The following KCNH8 variants were observed in gnomAD, a reference collection of about 807,000 sequenced individuals.
The protein encoded by KCNH8 is voltage-gated delayed rectifier potassium channel KCNH8.
KCNH8 carries 70 observed loss-of-function variants against 103.6 expected under a neutral mutation model. The observed-to-expected ratio is 0.68, with a 90% CI of 0.56 to 0.82. KCNH8 has a LOEUF of 0.82. KCNH8 is among the 40% of genes least tolerant of loss of function. KCNH8 has a pLI of 0.00. For missense variants in KCNH8, 1,217 were observed against 1,329.9 expected (o/e 0.92, Z 1.32); for synonymous variants, 498 against 489.4 (o/e 1.02, Z -0.23).
chr3:19,472,749 C>T (rs569560695), intron 11 of KCNH8, among the ~76,000 whole-genome samples: 36 of 152,264 alleles, frequency 2.4e-4, no homozygotes, highest in African/African-American at 2.6e-4. Context: ...TACATACCTA[C>T]GTTAATCAGA....
chr3:19,171,621 C>T (rs887642124), intron 1 of KCNH8, among the ~76,000 whole-genome samples: 10 of 152,106 alleles, frequency 6.6e-5, no homozygotes, highest in African/African-American at 2.4e-4. Flanking sequence ...CAGCTCTGCT[C>T]CTCTGATTAC....
chr3:19,213,211 A>G (rs1162053461), intron 1 of KCNH8, among the ~76,000 whole-genome samples: 1 of 152,180 alleles, frequency 6.6e-6, no homozygotes, highest in Non-Finnish European at 1.5e-5. Context: ...TAAATTAAAG[A>G]GGATATTTCC....
intron 15 of KCNH8, among the ~76,000 whole-genome samples, chr3:19,524,929 G>T (rs1474848732): frequency 6.6e-6 from 1 of 151,946 alleles, no homozygotes; most frequent in African/African-American, 2.4e-5. Context: ...AGGGGCCAGA[G>T]TAGAGAGCAG....
At chr3:19,472,725 T>C (rs2067888693) in intron 11 of KCNH8, among the ~76,000 whole-genome samples, 1 of 152,078 alleles carries the variant, frequency 6.6e-6, no homozygotes, top group African/African-American at 2.4e-5. Flanking sequence ...ATTAGATATA[T>C]AATATAAGTG....
At chr3:19,495,902 A>T (rs1349949775) in intron 11 of KCNH8, among the ~76,000 whole-genome samples, 1 of 152,106 alleles carries the variant, frequency 6.6e-6, no homozygotes, top group Non-Finnish European at 1.5e-5. Flanking sequence ...TTCTCATTGT[A>T]GAGATCTTTC....
At chr3:19,459,718 T>C (rs755517652) in intron 11 of KCNH8, among the ~76,000 whole-genome samples, 1 of 152,176 alleles carries the variant, frequency 6.6e-6, no homozygotes, top group Non-Finnish European at 1.5e-5. Flanking sequence ...CTTTTAGAGT[T>C]ACATAATTTC....
At chr3:19,265,394 T>TC (rs1321408699) in intron 2 of KCNH8, among the ~76,000 whole-genome samples, 1 of 152,104 alleles carries the variant, frequency 6.6e-6, no homozygotes, top group African/African-American at 2.4e-5. Flanking sequence ...CATGGGGCCC[T>TC]TCTAAGCATG....
At chr3:19,421,083 A>C (rs1364520774) in intron 7 of KCNH8, among the ~76,000 whole-genome samples, 2 of 152,154 alleles carry the variant, frequency 1.3e-5, no homozygotes, top group African/African-American at 4.8e-5. Context: ...CTTTTTAAAA[A>C]ATTGGTGAAA....
intron 5 of KCNH8, among the ~76,000 whole-genome samples, chr3:19,375,443 G>C (rs990818110): frequency 1.3e-4 from 20 of 151,062 alleles, no homozygotes; most frequent in African/African-American, 4.2e-4. Context: ...TCAAGCCTTG[G>C]TTTTCAGCTC....
At chr3:19,521,611 G>T (rs946933970) in intron 15 of KCNH8, among the ~76,000 whole-genome samples, 1 of 151,844 alleles carries the variant, frequency 6.6e-6, no homozygotes, top group African/African-American at 2.4e-5. Context: ...AAATGAAAAT[G>T]AATGGACCTA....
chr3:19,506,385 G>A (rs564527542), intron 11 of KCNH8, among the ~76,000 whole-genome samples: 2 of 152,274 alleles, frequency 1.3e-5, no homozygotes, highest in South Asian at 4.1e-4. Context: ...TTTATTTTTA[G>A]CTGAGCTCTT....
chr3:19,386,887 C>T (rs1209243000), intron 5 of KCNH8, among the ~76,000 whole-genome samples: 1 of 152,084 alleles, frequency 6.6e-6, no homozygotes, highest in Non-Finnish European at 1.5e-5. Flanking sequence ...TGCGAAGTTC[C>T]ACTCTGTTTC....
chr3:19,351,330 A>T (rs984219500), intron 5 of KCNH8, among the ~76,000 whole-genome samples: 7 of 152,160 alleles, frequency 4.6e-5, no homozygotes, highest in African/African-American at 1.4e-4. Context: ...TATCCAGGAG[A>T]ACTTTCCCAA....
chr3:19,204,716 T>A lies in KCNH8; in HGVS notation c.77-48938T>A, dbSNP rs566285866. 2.0e-5 allele frequency among the ~76,000 whole-genome samples: 3 copies of A among 152,130 alleles called. No individual in the cohort carries two copies. The East Asian group carries it at 5.8e-4, about 29-fold the overall frequency. On this transcript the variant is annotated intron_variant, in intron 1 of 15. Transcript: ENST00000328405. ...ATTTTTATGATAGCCATAATTGGAA[T>A]CCAAACAATGCAGAAAATTATTATA...
chr3:19,324,205 C>T (rs2065389828), intron 3 of KCNH8, among the ~76,000 whole-genome samples: 1 of 151,974 alleles, frequency 6.6e-6, no homozygotes, highest in South Asian at 2.1e-4. Context: ...AGTGTGGTTT[C>T]CAGGCGAATG....
At chr3:19,416,175 A>AT (rs1257333749) in intron 7 of KCNH8, among the ~76,000 whole-genome samples, 1 of 152,098 alleles carries the variant, frequency 6.6e-6, no homozygotes, top group Non-Finnish European at 1.5e-5. Flanking sequence ...TTTGGTTTAC[A>AT]TGATACTGAT....
intron 5 of KCNH8, among the ~76,000 whole-genome samples, chr3:19,366,180 CTAGT>C (rs931656866): frequency 5.9e-5 from 9 of 152,026 alleles, no homozygotes; most frequent in South Asian, 2.1e-4. Context: ...ATTTTTTATA[CTAGT>C]TAAAGTCGCT....
intron 8 of KCNH8, among the ~76,000 whole-genome samples, chr3:19,446,739 T>G (rs2067368151): frequency 6.6e-6 from 1 of 151,546 alleles, no homozygotes; most frequent in Admixed American, 6.6e-5. Context: ...AATGATGTTA[T>G]ACTCCAGGAG....
chr3:19,463,353 A>G (rs1438858732), intron 11 of KCNH8, among the ~76,000 whole-genome samples: 1 of 152,096 alleles, frequency 6.6e-6, no homozygotes, highest in Non-Finnish European at 1.5e-5. Context: ...AGTAGTATGC[A>G]TAAAGTTAAT....
Sources: allele counts gnomAD v4.1 joint callset (sites outside exome capture counted in the v4.1 genomes callset), GRCh38; gene constraint gnomAD v4.1.1; transcripts MANE v1.5; gene names NCBI Gene and HGNC (gene_info 2026-07-23, HGNC 2026-07-21).